The following ITPK1 variants were observed in gnomAD, a reference collection of about 807,000 sequenced individuals.
ITPK1 encodes the protein inositol 1,3,4-trisphosphate 5/6-kinase.
A neutral mutation model predicts 45.3 loss-of-function variants in ITPK1; 21 were observed. The observed-to-expected ratio is 0.46, with a 90% CI of 0.33 to 0.67. ITPK1 has a LOEUF of 0.67. Ranked by LOEUF, ITPK1 falls within the 30% of genes least tolerant of loss-of-function variation. The probability of loss-of-function intolerance (pLI) is 0.02; values close to 1 mark genes in which losing one functional copy is unlikely to be tolerated. For missense variants in ITPK1, 474 were observed against 573.5 expected, an observed-to-expected ratio of 0.83 and a Z score of 1.77; for synonymous variants, 258 against 253.6, an observed-to-expected ratio of 1.02 and a Z score of -0.16.
Position 92,940,919 on chromosome 14 carries a change from C to T in ITPK1, c.*642G>A. ...GGGGGGCCCAGAGGACGCCCAGCTTCCTTTCCTTCCCTTTAGTGAGGGAGC... is the reference window on the plus strand; with the variant it reads ...GGGGGGCCCAGAGGACGCCCAGCTTTCTTTCCTTCCCTTTAGTGAGGGAGC... On this transcript the variant is annotated 3_prime_UTR_variant, in exon 11 of 11. Coordinates refer to ENST00000267615, the MANE Select transcript of ITPK1 (RefSeq NM_014216.6). The T allele has an allele frequency of 7.8e-7, 1 of 1,287,624 alleles. No individual in the cohort carries two copies. The highest frequency in any genetic ancestry group is 1.0e-6 in the Non-Finnish European group (1 of 988,634). The allele number at this position is 1,287,624 out of a possible 1,614,324, so 79.8% of individuals were successfully genotyped here.
chr14:93,003,086 A>G lies in ITPK1; in HGVS notation c.247-9089T>C, dbSNP rs531035212. On this transcript the variant is annotated intron_variant, in intron 4 of 10. Coordinates refer to ENST00000267615, the MANE Select transcript of ITPK1 (RefSeq NM_014216.6). ...AAGAGCGTGTCAGGGCCAGCACTGC[A>G]CTTATGCACAGGAGGGCTCCCAAGG... Among the ~76,000 whole-genome samples the G allele has an allele frequency of 1.1e-3, 165 of 152,320 alleles. 2 individuals carry two copies. Among genetic ancestry groups the G allele is most frequent in the African/African-American group, 3.6e-3 (151 of 41,568 alleles).
chr14:93,015,748 G>C (rs1888142374), intron 4 of ITPK1, among the ~76,000 whole-genome samples: 3 of 152,250 alleles, frequency 2.0e-5, no homozygotes. Flanking sequence ...CCAAGGAACG[G>C]GGTGAGAGCC....
chr14:92,948,911 G>C (rs956003311), intron 9 of ITPK1, among the ~76,000 whole-genome samples: 2 of 148,850 alleles, frequency 1.3e-5, no homozygotes, highest in Non-Finnish European at 3.0e-5. Flanking sequence ...AGGGACCCAC[G>C]CCTGGATATC....
At chr14:92,942,109 C>T (rs187625569) in intron 10 of ITPK1, among the ~76,000 whole-genome samples, 9 of 152,310 alleles carry the variant, frequency 5.9e-5, no homozygotes, top group East Asian at 5.8e-4. Flanking sequence ...CAGGTGCGTG[C>T]TCCTCGACCT....
At chr14:92,949,982 G>A (rs927346508) in intron 9 of ITPK1, among the ~76,000 whole-genome samples, 26 of 152,210 alleles carry the variant, frequency 1.7e-4, no homozygotes, top group African/African-American at 6.3e-4. Context: ...GGCAACTGCG[G>A]TGGGTGCTTC....
At chr14:93,094,560 C>A (rs1224670695) in intron 2 of ITPK1, among the ~76,000 whole-genome samples, 1 of 152,188 alleles carries the variant, frequency 6.6e-6, no homozygotes, top group Non-Finnish European at 1.5e-5. Flanking sequence ...TCTCCCCTCA[C>A]ACCAGCCCTA....
intron 2 of ITPK1, among the ~76,000 whole-genome samples, chr14:93,105,135 T>C (rs771221931): frequency 5.3e-5 from 8 of 152,102 alleles, no homozygotes; most frequent in Non-Finnish European, 8.8e-5. Flanking sequence ...GCCCCTGCCA[T>C]GTCTCCCTCC....
chr14:93,092,901 AACCCACCAGCCACAGACTC>A (rs1891920080), intron 2 of ITPK1, among the ~76,000 whole-genome samples: 1 of 152,108 alleles, frequency 6.6e-6, no homozygotes, highest in African/African-American at 2.4e-5. Context: ...GCCTCAGCCG[AACCCACCAGCCACAGACTC>A]ACCCACCCTC....
chr14:93,028,525 T>C (rs1239426516), intron 3 of ITPK1, among the ~76,000 whole-genome samples: 1 of 152,236 alleles, frequency 6.6e-6, no homozygotes, highest in Non-Finnish European at 1.5e-5. Context: ...TGGGCAGACC[T>C]GGGCCTTCAG....
intron 10 of ITPK1, among the ~76,000 whole-genome samples, chr14:92,945,127 TC>T (rs1350773283): frequency 2.6e-5 from 4 of 152,282 alleles, no homozygotes; most frequent in African/African-American, 9.6e-5. Flanking sequence ...AGGGGTGAGC[TC>T]TCCCCAGGCA....
chr14:93,095,115 C>T (rs1330772181), intron 2 of ITPK1, among the ~76,000 whole-genome samples: 4 of 152,152 alleles, frequency 2.6e-5, no homozygotes, highest in African/African-American at 9.7e-5. Flanking sequence ...ACTGGGCTCC[C>T]GGGGTGCAGG....
chr14:93,002,029 A>G (rs1429051318), intron 4 of ITPK1, among the ~76,000 whole-genome samples: 1 of 152,142 alleles, frequency 6.6e-6, no homozygotes, highest in Non-Finnish European at 1.5e-5. Flanking sequence ...CCCTATGTAG[A>G]TCCCGTTAGC....
chr14:93,052,783 T>C (rs1019234932), intron 3 of ITPK1, among the ~76,000 whole-genome samples: 18 of 152,096 alleles, frequency 1.2e-4, no homozygotes, highest in Admixed American at 6.5e-5. Flanking sequence ...CAGGGTTCAG[T>C]CCCTCACTCA....
chr14:93,022,406 G>A (rs549737188), intron 3 of ITPK1, among the ~76,000 whole-genome samples: 98 of 152,306 alleles, frequency 6.4e-4, no homozygotes, highest in African/African-American at 2.4e-3. Context: ...TGGTGTGGCT[G>A]GGCACAGTGG....
chr14:93,072,700 G>T (rs572700886), intron 3 of ITPK1, among the ~76,000 whole-genome samples: 1 of 149,698 alleles, frequency 6.7e-6, no homozygotes, highest in East Asian at 2.0e-4. Flanking sequence ...CTGCAGCCTC[G>T]ACCTCCTGGG....
intron 10 of ITPK1, among the ~76,000 whole-genome samples, chr14:92,943,948 C>T (rs947365401): frequency 6.6e-6 from 1 of 152,208 alleles, no homozygotes; most frequent in Non-Finnish European, 1.5e-5. Flanking sequence ...ACAGTCTGGG[C>T]CCCATCCAGC....
intron 2 of ITPK1, among the ~76,000 whole-genome samples, chr14:93,101,850 C>G (rs949029743): frequency 1.3e-5 from 2 of 152,146 alleles, no homozygotes. Flanking sequence ...CCAGGGTGAT[C>G]GGCTATGAAA....
At chr14:93,011,710 A>T (rs1006486904) in intron 4 of ITPK1, among the ~76,000 whole-genome samples, 1 of 152,112 alleles carries the variant, frequency 6.6e-6, no homozygotes, top group Non-Finnish European at 1.5e-5. Flanking sequence ...GGATGGGCAC[A>T]ACACTGAGCC....
At position 93,037,657 on chromosome 14, in the gene ITPK1, G is replaced by A. The variant is rs74589420; in HGVS notation, c.121-20856C>T. ...TCAGCTTCCTGACAAGGTGTGGTCC[G>A]GATGTTAAAGACAAGGAAGACAGAA... On this transcript the variant is annotated intron_variant, in intron 3 of 10. Transcript: ENST00000267615. Among the ~76,000 whole-genome samples the A allele has an allele frequency of 2.2e-3, 336 of 152,266 alleles. 2 individuals are homozygous for A. The highest frequency in any genetic ancestry group is 7.5e-3 in the East Asian group (39 of 5,178).
Sources: allele counts gnomAD v4.1 joint callset (sites outside exome capture counted in the v4.1 genomes callset), GRCh38; gene constraint gnomAD v4.1.1; transcripts MANE v1.5; gene names NCBI Gene and HGNC (gene_info 2026-07-23, HGNC 2026-07-21).